Variants in CAMTA1 observed in about 807,000 individuals in gnomAD.
CAMTA1 encodes calmodulin-binding transcription activator 1.
CAMTA1 carries 27 observed loss-of-function variants against 170.9 expected under a neutral mutation model. The ratio of observed to expected loss-of-function variants is 0.16; its 90% CI spans 0.12 to 0.22. The LOEUF is 0.22. CAMTA1 is among the 10% of genes least tolerant of loss of function. The pLI, the probability that CAMTA1 is intolerant of heterozygous loss-of-function variation, is 1.00. For missense variants in CAMTA1, 1,619 were observed against 2,217.2 expected, an observed-to-expected ratio of 0.73 and a Z score of 5.42; for synonymous variants, 833 against 891.5, an observed-to-expected ratio of 0.93 and a Z score of 1.17.
intron 6 of CAMTA1, among the ~76,000 whole-genome samples, chr1:7,551,350 G>T (rs2094800020): frequency 6.6e-6 from 1 of 152,034 alleles, no homozygotes; most frequent in East Asian, 2.0e-4. Context: ...ATCTGTGCAT[G>T]AGTGTGTATG....
chr1:7,251,667 GCCCCACGGA>G lies in CAMTA1; in HGVS notation c.438+2043_438+2051del. Among the ~76,000 whole-genome samples the G allele has an allele frequency of 6.6e-6, 1 of 152,168 alleles. No homozygotes were observed. Among genetic ancestry groups the G allele is most frequent in the East Asian group, 1.9e-4 (1 of 5,190 alleles). On this transcript the variant is annotated intron_variant, in intron 5 of 22. Coordinates refer to ENST00000303635, the MANE Select transcript of CAMTA1 (RefSeq NM_015215.4). The surrounding 1 kb of genome is among the most constrained non-coding windows in gnomAD (Gnocchi z 5.1). ...AGAGAGAACAGGAGTCATATTCTCT[GCCCCACGGA>G]CTCATGGTCAAGTTGAAGAGGCTTG...
At chr1:6,858,235 G>A (rs1044884936) in intron 3 of CAMTA1, among the ~76,000 whole-genome samples, 5 of 152,072 alleles carry the variant, frequency 3.3e-5, no homozygotes, top group Non-Finnish European at 4.4e-5. Flanking sequence ...CTTTGAATTA[G>A]CTTTGTTTCA....
chr1:7,231,948 C>T (rs1171541258), intron 4 of CAMTA1, among the ~76,000 whole-genome samples: 1 of 152,242 alleles, frequency 6.6e-6, no homozygotes, highest in Non-Finnish European at 1.5e-5. Context: ...GGCCTCTGCC[C>T]TCATGGAGAC....
At chr1:7,498,029 C>T (rs1425679407) in intron 6 of CAMTA1, among the ~76,000 whole-genome samples, 7 of 152,044 alleles carry the variant, frequency 4.6e-5, no homozygotes, top group Non-Finnish European at 1.0e-4. Context: ...TGAGTCCAGT[C>T]CTTCCTGGAG....
intron 4 of CAMTA1, among the ~76,000 whole-genome samples, chr1:7,221,921 A>G (rs1442234692): frequency 6.7e-6 from 1 of 150,260 alleles, no homozygotes; most frequent in Non-Finnish European, 1.5e-5. Flanking sequence ...ACACACACAC[A>G]CACACATACA....
intron 3 of CAMTA1, among the ~76,000 whole-genome samples, chr1:6,990,367 C>T (rs1434415423): frequency 6.6e-6 from 1 of 152,164 alleles, no homozygotes; most frequent in Non-Finnish European, 1.5e-5. Context: ...ATATCCATCA[C>T]TTTAACAATT....
intron 4 of CAMTA1, among the ~76,000 whole-genome samples, chr1:7,244,744 G>C (rs1345581657): frequency 1.3e-5 from 2 of 152,078 alleles, no homozygotes; most frequent in Non-Finnish European, 2.9e-5. Flanking sequence ...ACTGTTGTGG[G>C]GTTGGGGGAG....
At chr1:7,704,807 G>T (rs1210360111) in intron 11 of CAMTA1, among the ~76,000 whole-genome samples, 7 of 147,556 alleles carry the variant, frequency 4.7e-5, no homozygotes, top group Admixed American at 1.3e-4. Flanking sequence ...GCTGGGCCGG[G>T]CCGGGCGGGG....
chr1:7,397,798 C>T (rs1361339559), intron 5 of CAMTA1, among the ~76,000 whole-genome samples: 1 of 151,840 alleles, frequency 6.6e-6, no homozygotes, highest in Non-Finnish European at 1.5e-5. Context: ...CAAAGTTTCT[C>T]CTGTTATTGA....
At chr1:7,309,287 A>T (rs866688456) in intron 5 of CAMTA1, among the ~76,000 whole-genome samples, 1,790 of 70,780 alleles carry the variant, frequency 0.025, 90 homozygotes, top group African/African-American at 0.083. Context: ...CAGTTAGAAA[A>T]TTTTTTTTTT....
rs540800023 is a variant in CAMTA1 at position 6,868,302 on chromosome 1, CTT to C, written c.234+43107_234+43108del. Reference sequence around the variant, plus strand: ...CTAGCCTGGGTGACAGAGCGAGACTCTTTTTTTTTTTTTTTTAAAAACAAAAC... The same window carrying C: ...CTAGCCTGGGTGACAGAGCGAGACTCTTTTTTTTTTTTTTAAAAACAAAAC... On this transcript the variant is annotated intron_variant, in intron 3 of 22. Coordinates refer to ENST00000303635, the MANE Select transcript of CAMTA1 (RefSeq NM_015215.4). 6.0e-3 allele frequency among the ~76,000 whole-genome samples: 779 copies of C among 129,242 alleles called. 7 individuals carry two copies. The highest frequency in any genetic ancestry group is 0.018 in the South Asian group (64 of 3,560). The allele number at this position is 129,242 out of a possible 152,430, so 84.8% of individuals were successfully genotyped here. A position where few individuals can be genotyped will look rare whatever the true frequency, so the allele number is the denominator to read the frequency against.
At chr1:7,520,778 A>C (rs558608352) in intron 6 of CAMTA1, among the ~76,000 whole-genome samples, 1 of 152,302 alleles carries the variant, frequency 6.6e-6, no homozygotes, top group East Asian at 1.9e-4. Context: ...AATGTGTGAG[A>C]AGGATGTTGG....
chr1:7,206,040 ACTT>A (rs1657674633), intron 4 of CAMTA1, among the ~76,000 whole-genome samples: 1 of 152,114 alleles, frequency 6.6e-6, no homozygotes, highest in Non-Finnish European at 1.5e-5. Flanking sequence ...GCATATCTGG[ACTT>A]CTTCTACTCC....
At chr1:7,005,576 T>C (rs919890528) in intron 3 of CAMTA1, among the ~76,000 whole-genome samples, 9 of 152,188 alleles carry the variant, frequency 5.9e-5, no homozygotes, top group Admixed American at 2.0e-4. Context: ...TGTCTTTGCC[T>C]TCACCATCTA....
At chr1:7,163,775 C>T (rs11579066) in intron 4 of CAMTA1, among the ~76,000 whole-genome samples, 35,233 of 151,968 alleles carry the variant, frequency 0.23, 4,630 homozygotes, top group Non-Finnish European at 0.3. Context: ...GCAACATGGT[C>T]GAAGGATTGG....
chr1:6,957,290 A>G (rs1004170842), intron 3 of CAMTA1, among the ~76,000 whole-genome samples: 1 of 152,194 alleles, frequency 6.6e-6, no homozygotes, highest in African/African-American at 2.4e-5. Flanking sequence ...CCTCCAGGTC[A>G]GCTCTTAGCA....
intron 6 of CAMTA1, among the ~76,000 whole-genome samples, chr1:7,480,463 C>T (rs1368901655): frequency 2.0e-5 from 3 of 151,870 alleles, no homozygotes. Context: ...GTTCCCCTCT[C>T]CTCCTCTTCT....
At chr1:7,523,790 GGA>G (rs1448792257) in intron 6 of CAMTA1, among the ~76,000 whole-genome samples, 2 of 152,078 alleles carry the variant, frequency 1.3e-5, no homozygotes, top group Non-Finnish European at 2.9e-5. Context: ...GGCTGAGGCA[GGA>G]AAATGGCGTG....
At position 7,633,626 on chromosome 1, in the gene CAMTA1, C is replaced by T. The variant is rs1470243512; in HGVS notation, c.511-6774C>T. On this transcript the variant is annotated intron_variant, in intron 6 of 22. Coordinates refer to ENST00000303635, the MANE Select transcript of CAMTA1 (RefSeq NM_015215.4). This position sits in a 1 kb window ranked among gnomAD's most constrained non-coding sequence, Gnocchi z 4.1. The stretch of plus-strand genomic sequence containing the variant: ...AGCTCCCCCAGCCAAGGCCAGGTGC[C>T]CCCTAGCAGGCTTGTTGGCCCGTGT... 6.6e-6 allele frequency among the ~76,000 whole-genome samples: 1 copy of T among 152,188 alleles called. No homozygotes were observed. Among genetic ancestry groups the T allele is most frequent in the Non-Finnish European group, 1.5e-5 (1 of 68,014 alleles).
Sources: gnomAD v4.1 joint callset for allele counts (sites outside exome capture counted in the v4.1 genomes callset) on GRCh38, gnomAD v4.1.1 for gene constraint, Gnocchi (gnomAD v3.1) non-coding constraint, MANE v1.5 for transcripts, NCBI Gene and HGNC (gene_info 2026-07-23, HGNC 2026-07-21) for gene names.